Variants in UNC5C observed in about 807,000 individuals in gnomAD.
The protein encoded by UNC5C is netrin receptor UNC5C.
In UNC5C, 47 loss-of-function variants were observed where a neutral mutation model predicts 99.8. The ratio of observed to expected loss-of-function variants is 0.47; its 90% CI spans 0.37 to 0.60. The LOEUF (loss-of-function observed/expected upper bound fraction) is 0.60. Ranked by LOEUF, UNC5C falls within the 20% of genes least tolerant of loss-of-function variation. The pLI is 0.00. For synonymous variants in UNC5C, 487 were observed against 452.2 expected, an observed-to-expected ratio of 1.08 and a Z score of -0.98; for missense variants, 1,062 against 1,165.9, an observed-to-expected ratio of 0.91 and a Z score of 1.30.
intron 4 of UNC5C, among the ~76,000 whole-genome samples, chr4:95,265,332 C>T (rs986057560): frequency 6.6e-5 from 10 of 152,160 alleles, no homozygotes; most frequent in African/African-American, 2.2e-4. Flanking sequence ...GATCGATTCA[C>T]ACTGCAATAG....
At chr4:95,170,686 A>C (rs1365311568) in intron 14 of UNC5C, among the ~76,000 whole-genome samples, 1 of 152,194 alleles carries the variant, frequency 6.6e-6, no homozygotes, top group Non-Finnish European at 1.5e-5. Context: ...CTAAAGGTTT[A>C]AATTTCAGGA....
chr4:95,230,756 C>T (rs17351561), intron 7 of UNC5C, among the ~76,000 whole-genome samples: 2,370 of 151,498 alleles, frequency 0.016, 28 homozygotes, highest in Admixed American at 0.032. Context: ...CATCCAAGAT[C>T]CTGCATGAGA....
chr4:95,263,384 G>C (rs1012580282), intron 4 of UNC5C, among the ~76,000 whole-genome samples: 11 of 152,132 alleles, frequency 7.2e-5, no homozygotes. Flanking sequence ...AAATTTTAAA[G>C]AGCACTTCAC....
At chr4:95,379,852 G>T (rs1044611775) in intron 1 of UNC5C, among the ~76,000 whole-genome samples, 4 of 152,138 alleles carry the variant, frequency 2.6e-5, no homozygotes, top group Non-Finnish European at 4.4e-5. Context: ...AGATGGCTGC[G>T]CTGCCTCAGG....
At chr4:95,358,506 T>G (rs759028342) in intron 1 of UNC5C, among the ~76,000 whole-genome samples, 7 of 152,268 alleles carry the variant, frequency 4.6e-5, no homozygotes, top group Non-Finnish European at 7.4e-5. Context: ...TGGTTAATAT[T>G]TCACATTTTT....
At chr4:95,462,181 C>A (rs912963861) in intron 1 of UNC5C, among the ~76,000 whole-genome samples, 1 of 152,110 alleles carries the variant, frequency 6.6e-6, no homozygotes, top group African/African-American at 2.4e-5. Context: ...CTTTCCCCCC[C>A]TTTCTCTTTC....
intron 1 of UNC5C, among the ~76,000 whole-genome samples, chr4:95,489,362 G>T (rs1006994391): frequency 2.6e-5 from 4 of 151,566 alleles, no homozygotes; most frequent in Non-Finnish European, 5.9e-5. Context: ...TAGTGATTGC[G>T]GCAGAAGATG....
intron 1 of UNC5C, among the ~76,000 whole-genome samples, chr4:95,435,525 A>G (rs1292997599): frequency 1.3e-5 from 2 of 152,106 alleles, no homozygotes; most frequent in East Asian, 1.9e-4. Context: ...CTTGTGAGGA[A>G]CAATGTGTGA....
At chr4:95,417,972 C>T (rs566098107) in intron 1 of UNC5C, among the ~76,000 whole-genome samples, 41 of 152,216 alleles carry the variant, frequency 2.7e-4, no homozygotes, top group African/African-American at 9.9e-4. Context: ...TATTTTGTTC[C>T]AAAGAAAATG....
intron 4 of UNC5C, among the ~76,000 whole-genome samples, chr4:95,268,137 A>G (rs1740519777): frequency 6.6e-6 from 1 of 151,096 alleles, no homozygotes. Flanking sequence ...TTTTTTTAGT[A>G]GAGACGGGGT....
intron 2 of UNC5C, among the ~76,000 whole-genome samples, chr4:95,312,239 G>T (rs777573349): frequency 2.6e-5 from 4 of 152,108 alleles, no homozygotes; most frequent in Non-Finnish European, 5.9e-5. Flanking sequence ...AAATGCTTAT[G>T]AATCCTCCCT....
chr4:95,227,092 CT>C (rs1738726799), intron 7 of UNC5C, among the ~76,000 whole-genome samples: 1 of 151,530 alleles, frequency 6.6e-6, no homozygotes, highest in Admixed American at 6.6e-5. Flanking sequence ...AAGAGCAGTG[CT>C]TTTTCAAGGG....
At chr4:95,468,582 A>G (rs775388952) in intron 1 of UNC5C, among the ~76,000 whole-genome samples, 2 of 152,160 alleles carry the variant, frequency 1.3e-5, no homozygotes, top group Non-Finnish European at 2.9e-5. Flanking sequence ...TTGAGGCTTG[A>G]TGGCTCTCAG....
intron 14 of UNC5C, among the ~76,000 whole-genome samples, 178 bp downstream of exon 14, chr4:95,182,719 T>A (rs1483682904): frequency 6.6e-6 from 1 of 152,194 alleles, no homozygotes; most frequent in East Asian, 1.9e-4. Flanking sequence ...TATATATTTT[T>A]TTCTGCAGCT....
At chr4:95,374,123 T>G (rs989777371) in intron 1 of UNC5C, among the ~76,000 whole-genome samples, 3 of 152,158 alleles carry the variant, frequency 2.0e-5, no homozygotes, top group Admixed American at 6.6e-5. Context: ...CTCTTCTTAA[T>G]GAATTATGAA....
At chr4:95,232,316 T>A (rs944575456) in intron 7 of UNC5C, among the ~76,000 whole-genome samples, 7 of 151,474 alleles carry the variant, frequency 4.6e-5, no homozygotes, top group African/African-American at 1.7e-4. Flanking sequence ...TATAATGGAC[T>A]CTATCCCCGT....
chr4:95,340,257 A>C (rs1392863765), intron 1 of UNC5C, among the ~76,000 whole-genome samples: 1 of 152,130 alleles, frequency 6.6e-6, no homozygotes, highest in Non-Finnish European at 1.5e-5. Context: ...CTGAATCATA[A>C]GACTTAAACT....
chr4:95,206,549 T>C, intron 11 of UNC5C, 79 bp downstream of exon 11: 8 of 1,585,096 alleles, frequency 5.0e-6, no homozygotes, highest in Non-Finnish European at 6.0e-6. Flanking sequence ...GCTTTATAAA[T>C]AAAAGGCCTC....
chr4:95,446,297 A>G (rs1303816269), intron 1 of UNC5C, among the ~76,000 whole-genome samples: 1 of 152,218 alleles, frequency 6.6e-6, no homozygotes, highest in African/African-American at 2.4e-5. Flanking sequence ...ATGGAAGACA[A>G]GAATTCAAAA....
Sources: allele counts gnomAD v4.1 joint callset (sites outside exome capture counted in the v4.1 genomes callset), GRCh38; gene constraint gnomAD v4.1.1; transcripts MANE v1.5; gene names NCBI Gene and HGNC (gene_info 2026-07-23, HGNC 2026-07-21).